The following BDP1 variants were observed in gnomAD, a reference collection of about 807,000 sequenced individuals.
BDP1 encodes transcription factor TFIIIB component B'' homolog.
A neutral mutation model predicts 266.6 loss-of-function variants in BDP1; 169 were observed. The observed-to-expected ratio is 0.63, with a 90% CI of 0.56 to 0.72. The LOEUF (loss-of-function observed/expected upper bound fraction) is 0.72. Ranked by LOEUF, BDP1 falls within the 30% of genes least tolerant of loss-of-function variation. The pLI is 0.00. For synonymous variants in BDP1, 1,090 were observed against 1,022.4 expected, an observed-to-expected ratio of 1.07 and a Z score of -1.26; for missense variants, 3,015 against 3,053.8, an observed-to-expected ratio of 0.99 and a Z score of 0.30.
In BDP1 at chr5:71,563,870, C is replaced by G. The variant is rs549614899; in HGVS notation, c.7744-884C>G. ...GAGGTTGCAGTGGGCTGAGATCATG[C>G]CATTGCATTCCAGCCTGGCTTTGTC... On this transcript the variant is annotated intron_variant, in intron 38 of 38. Transcript: ENST00000358731. Among the ~76,000 whole-genome samples, 34 of 152,276 alleles carry G rather than the reference C, an allele frequency of 2.2e-4. No homozygotes were observed. The South Asian group carries it at 6.4e-3, about 29-fold the overall frequency.
Position 71,510,302 on chromosome 5 carries a change from C to T in BDP1, c.3210C>T (p.Asp1070=), listed in dbSNP as rs375998512. The part of the protein sequence containing the change: ...METDLKATGR[D]SFPRGKTPEV... ...CGGATTTGAAAGCAACTGGAAGAGA[C>T]AGTTTCCCAAGGGGGAAGACACCAG... Residue 1070 remains aspartate, a synonymous_variant, in exon 17 of 39, where the codon GAC becomes GAT. Transcript: ENST00000358731. 3 of 1,600,282 alleles carry T rather than the reference C, an allele frequency of 1.9e-6. No homozygotes were observed. Among genetic ancestry groups the T allele is most frequent in the Non-Finnish European group, 2.6e-6 (3 of 1,175,606 alleles).
chr5:71,541,621 C>G lies in BDP1; in HGVS notation c.6190C>G (p.Gln2064Glu), dbSNP rs183873437. Reference sequence around the variant, plus strand: ...AGAAAACAAGATTGTATTGGAGGAACAAAGTTCCAGAGAAGAAATAAGTTT... The same window carrying G: ...AGAAAACAAGATTGTATTGGAGGAAGAAAGTTCCAGAGAAGAAATAAGTTT... ...FEENKIVLEE[Q>E]SSREEISLME... The change falls in exon 29 of 39, where the codon CAA (glutamine) becomes GAA (glutamate). Residue 2064 changes from glutamine (Q) to glutamate (E), a missense_variant. By Grantham distance (29) the Gln-to-Glu change is conservative. This residue lies in a region of BDP1 where 2,383 missense variants were observed against 2,404.9 expected (regional missense o/e 0.99). Coordinates refer to ENST00000358731, the MANE Select transcript of BDP1 (RefSeq NM_018429.3). 37 of 1,611,340 alleles carry G rather than the reference C, an allele frequency of 2.3e-5. No homozygotes were observed. In the Admixed American group the frequency reaches 5.5e-4, roughly 24 times the overall value.
intron 22 of BDP1, 28 bp from the exon 23 acceptor site, chr5:71,522,261 C>T (rs1357482206): frequency 1.3e-6 from 2 of 1,570,444 alleles, no homozygotes; most frequent in Admixed American, 1.8e-5. Flanking sequence ...GATTTTTGTT[C>T]TTCAACATGA....
downstream of BDP1, among the ~76,000 whole-genome samples, chr5:71,569,356 G>A (rs1007565336): frequency 1.3e-5 from 2 of 152,144 alleles, no homozygotes; most frequent in African/African-American, 4.8e-5. Context: ...AGAGGCTGAG[G>A]CAGGAAGATT....
chr5:71,463,762 A>G (rs1366942300), intron 3 of BDP1, among the ~76,000 whole-genome samples: 1 of 151,636 alleles, frequency 6.6e-6, no homozygotes, highest in Non-Finnish European at 1.5e-5. Flanking sequence ...CAAGAAGTAG[A>G]GGTTACATGG....
At position 71,509,347 on chromosome 5, in the gene BDP1, C is replaced by T. The variant is rs986326168; in HGVS notation, c.2373-118C>T. The stretch of plus-strand genomic sequence containing the variant: ...TTTTACCCAGCGATTCCTAGGCCTT[C>T]CTTAATTTTTTTGAATTTGAGAGTT... On this transcript the variant is annotated intron_variant, in intron 16 of 38. Coordinates refer to ENST00000358731, the MANE Select transcript of BDP1 (RefSeq NM_018429.3). The T allele has an allele frequency of 3.4e-6, 4 of 1,188,106 alleles. No homozygotes were observed. The African/African-American group carries it at 6.2e-5, about 19-fold the overall frequency. The allele number at this position is 1,188,106 out of a possible 1,614,324, so 73.6% of individuals were successfully genotyped here. A position where few individuals can be genotyped will look rare whatever the true frequency, so the allele number is the denominator to read the frequency against.
At position 71,522,871 on chromosome 5, in the gene BDP1, G is replaced by A. The variant is rs780015209; in HGVS notation, c.5309G>A (p.Arg1770Lys). Residue 1770 changes from arginine to lysine, a missense_variant, in exon 24 of 39, where the codon AGA becomes AAA. Transcript: ENST00000358731. ...DAELEEVGPS[R>K]RVGEETVGDN... ...GAATTAGAAGAAGTTGGACCATCAA[G>A]AAGGGTTGGAGAGGAAACTGTAGGA... 4 of 1,613,688 alleles carry A rather than the reference G, an allele frequency of 2.5e-6. No homozygotes were observed. Among genetic ancestry groups the A allele is most frequent in the African/African-American group, 2.7e-5 (2 of 75,030 alleles).
chr5:71,517,142 G>A (rs530971475), intron 21 of BDP1, among the ~76,000 whole-genome samples, 180 bp from the exon 22 acceptor site: 5 of 152,248 alleles, frequency 3.3e-5, no homozygotes, highest in African/African-American at 7.2e-5. Flanking sequence ...AAGGAGGATC[G>A]TTTGAGCCTA....
At chr5:71,548,862 T>A in intron 33 of BDP1, 117 bp downstream of exon 33, 1 of 748,606 alleles carries the variant, frequency 1.3e-6, no homozygotes, top group Non-Finnish European at 2.2e-6. Context: ...GCCTTAAATT[T>A]AAAACGTTTT....
intron 23 of BDP1, 116 bp downstream of exon 23, chr5:71,522,606 A>G: frequency 8.6e-7 from 1 of 1,159,898 alleles, no homozygotes; most frequent in Non-Finnish European, 1.2e-6. Context: ...AACCATTTTC[A>G]TGAAAAGTGA....
At chr5:71,537,317 G>A (rs117856145) in intron 26 of BDP1, among the ~76,000 whole-genome samples, 46 of 152,062 alleles carry the variant, frequency 3.0e-4, no homozygotes, top group Non-Finnish European at 2.2e-4. Flanking sequence ...ATTCAATATC[G>A]CACACTGTTT....
intron 26 of BDP1, among the ~76,000 whole-genome samples, chr5:71,537,149 C>CAAAAAAAAAAAAAAAAAAAAAAAA (rs70992979): frequency 9.7e-5 from 8 of 82,426 alleles, no homozygotes; most frequent in Admixed American, 1.6e-4. Flanking sequence ...ACCAAAAAAC[C>CAAAAAAAAAAAAAAAAAAAAAAAA]AAAAAAAAAA....
chr5:71,510,646 A>G lies in BDP1; in HGVS notation c.3554A>G (p.Lys1185Arg), dbSNP rs369519898. 5.3e-5 allele frequency: 84 copies of G among 1,586,346 alleles called. No individual in the cohort carries two copies. Among genetic ancestry groups the G allele is most frequent in the Admixed American group, 8.5e-5 (5 of 58,634 alleles). The change falls in exon 17 of 39, where the codon AAG becomes AGG. Residue 1185 changes from lysine (K) to arginine (R), a missense_variant. Around this residue, in one of 3 missense-constraint regions of BDP1, gnomAD observed 2,383 missense variants for 2,404.9 expected, o/e 0.99. Transcript: ENST00000358731. ...GGAAGAGAGGGTTCCTCAAGGGAGA[A>G]GACACGAGAGGTGATTGATGCTGCT... is the stretch of plus-strand genomic sequence containing the variant. ...TTGREGSSRE[K>R]TREVIDAAEV...
At chr5:71,568,389 A>G (rs1036182094), downstream of BDP1, among the ~76,000 whole-genome samples, 2 of 152,142 alleles carry the variant, frequency 1.3e-5, no homozygotes, top group Non-Finnish European at 2.9e-5. Context: ...TTTTATCTCA[A>G]ACTCAAAGGG....
chr5:71,471,610 G>A (rs374656360), intron 7 of BDP1, among the ~76,000 whole-genome samples: 8 of 152,308 alleles, frequency 5.3e-5, no homozygotes, highest in African/African-American at 1.7e-4. Flanking sequence ...GTCAGTTACA[G>A]CTATTATATG....
rs189316861 is a variant in BDP1, at chr5:71,512,545, T to C, written c.4247+117T>C. 7 of 632,478 alleles carry C rather than the reference T, an allele frequency of 1.1e-5. No individual in the cohort carries two copies. In the Admixed American group the frequency reaches 2.6e-4, roughly 23 times the overall value. 39.2% of individuals were successfully genotyped at this position (632,478 alleles called of 1,614,324 possible). A position where few individuals can be genotyped will look rare whatever the true frequency, so the allele number is the denominator to read the frequency against. ...TAGTGTTAGAGCTTTTAAGATAGTTTTGGGAAGACTGGGAGAGAGGATTGA... is the reference window on the plus strand; with the variant it reads ...TAGTGTTAGAGCTTTTAAGATAGTTCTGGGAAGACTGGGAGAGAGGATTGA... On this transcript the variant is annotated intron_variant, in intron 18 of 38. Coordinates refer to ENST00000358731, the MANE Select transcript of BDP1 (RefSeq NM_018429.3).
intron 1 of BDP1, among the ~76,000 whole-genome samples, chr5:71,457,650 A>T (rs1761282992): frequency 6.6e-6 from 1 of 151,008 alleles, no homozygotes; most frequent in Non-Finnish European, 1.5e-5. Context: ...TAGTTGTAAA[A>T]CTCTATAGGA....
At chr5:71,576,018 A>G in the BDP1 span, among the ~76,000 whole-genome samples, 1 of 152,218 alleles carries the variant, frequency 6.6e-6, no homozygotes, top group African/African-American at 2.4e-5. Context: ...GAGAAGATCG[A>G]CCAGAGTCAC....
At chr5:71,540,717 G>C (rs1766913199) in intron 28 of BDP1, among the ~76,000 whole-genome samples, 1 of 152,096 alleles carries the variant, frequency 6.6e-6, no homozygotes, top group African/African-American at 2.4e-5. Flanking sequence ...GCTGGTGAAT[G>C]CTTGACTTCA....
Sources: allele counts gnomAD v4.1 joint callset (sites outside exome capture counted in the v4.1 genomes callset), GRCh38; gene constraint gnomAD v4.1.1; regional missense constraint gnomAD v4.1.1; transcripts MANE v1.5; gene names NCBI Gene and HGNC (gene_info 2026-07-23, HGNC 2026-07-21).